PDE4D: variants seen among roughly 807,000 people sequenced by gnomAD.
PDE4D encodes the protein 3',5'-cyclic-AMP phosphodiesterase 4D.
PDE4D carries 24 observed loss-of-function variants against 87.4 expected under a neutral mutation model. The ratio of observed to expected loss-of-function variants is 0.27; its 90% CI spans 0.20 to 0.39. The LOEUF (loss-of-function observed/expected upper bound fraction) is 0.39, where lower values mean the gene tolerates loss of function less well. Among genes scored for constraint, PDE4D ranks in the 10% least tolerant of loss-of-function variants. The probability of loss-of-function intolerance (pLI) is 1.00; values close to 1 mark genes in which losing one functional copy is unlikely to be tolerated. For missense variants in PDE4D, 714 were observed against 1,041.0 expected (o/e 0.69, Z 4.32); for synonymous variants, 384 against 383.2 (o/e 1.00, Z -0.02).
intron 1 of PDE4D, among the ~76,000 whole-genome samples, chr5:60,270,221 G>T (rs138544473): frequency 6.6e-6 from 1 of 152,198 alleles, no homozygotes; most frequent in African/African-American, 2.4e-5. Flanking sequence ...TGTCATGATC[G>T]AACTGCTTCT....
chr5:59,929,967 T>C (rs536908563), intron 3 of PDE4D, among the ~76,000 whole-genome samples: 2 of 152,226 alleles, frequency 1.3e-5, no homozygotes, highest in South Asian at 4.2e-4. Flanking sequence ...GCCTAGAGCA[T>C]CTCTGACCAA....
At chr5:59,459,364 G>A (rs1249885833) in intron 1 of PDE4D, among the ~76,000 whole-genome samples, 5 of 152,076 alleles carry the variant, frequency 3.3e-5, no homozygotes, top group East Asian at 1.9e-4. Context: ...TCTCTATCTC[G>A]GTAGTTCCAA....
At chr5:60,271,656 C>T (rs919688119) in intron 1 of PDE4D, among the ~76,000 whole-genome samples, 13 of 152,278 alleles carry the variant, frequency 8.5e-5, no homozygotes, top group East Asian at 1.9e-4. Context: ...CTTCCCTGCG[C>T]TAATCTGGTT....
At chr5:59,712,277 C>G (rs1192232402) in intron 1 of PDE4D, among the ~76,000 whole-genome samples, 1 of 151,198 alleles carries the variant, frequency 6.6e-6, no homozygotes, top group African/African-American at 2.4e-5. Flanking sequence ...ATTTTTCTAA[C>G]CTTATGGTCT....
chr5:59,574,134 A>ATTT (rs373532206), intron 1 of PDE4D, among the ~76,000 whole-genome samples: 2 of 4,670 alleles, frequency 4.3e-4, no homozygotes, highest in East Asian at 7.4e-3. Context: ...ATATTTATAT[A>ATTT]TATATATATA....
At chr5:59,399,733 G>A (rs1790226148) in intron 1 of PDE4D, among the ~76,000 whole-genome samples, 1 of 120,916 alleles carries the variant, frequency 8.3e-6, no homozygotes, top group Non-Finnish European at 1.8e-5. Context: ...TTGATAAATG[G>A]GATCTAATTA....
chr5:60,207,832 T>G (rs532584850), intron 1 of PDE4D, among the ~76,000 whole-genome samples: 161 of 152,350 alleles, frequency 1.1e-3, no homozygotes, highest in African/African-American at 3.7e-3. Flanking sequence ...TATTTCAGTG[T>G]GATCGACATA....
intron 1 of PDE4D, among the ~76,000 whole-genome samples, chr5:60,317,915 G>A (rs1387291824): frequency 6.6e-6 from 1 of 152,160 alleles, no homozygotes; most frequent in Non-Finnish European, 1.5e-5. Context: ...CAAATATGTG[G>A]TCAATTTTGG....
At chr5:59,730,233 G>A (rs1390470645) in intron 1 of PDE4D, among the ~76,000 whole-genome samples, 1 of 152,034 alleles carries the variant, frequency 6.6e-6, no homozygotes, top group East Asian at 1.9e-4. Context: ...ACTGAGAAGA[G>A]AAACCAAGGG....
intron 1 of PDE4D, among the ~76,000 whole-genome samples, chr5:59,669,894 A>G (rs1268267874): frequency 6.6e-6 from 1 of 152,212 alleles, no homozygotes; most frequent in Non-Finnish European, 1.5e-5. Context: ...TTTAAAACAC[A>G]GCATTTTGGG....
At chr5:59,381,088 A>G (rs573437462) in intron 1 of PDE4D, among the ~76,000 whole-genome samples, 14 of 152,302 alleles carry the variant, frequency 9.2e-5, no homozygotes, top group Admixed American at 8.5e-4. Context: ...ATTGGATGCC[A>G]TGACATTTTA....
chr5:59,992,706 C>T (rs1338227332), intron 2 of PDE4D, among the ~76,000 whole-genome samples: 2 of 152,104 alleles, frequency 1.3e-5, no homozygotes, highest in Non-Finnish European at 2.9e-5. Context: ...AAAACTGCCT[C>T]AAGACGTAAC....
chr5:59,992,717 T>A (rs905752478), intron 2 of PDE4D, among the ~76,000 whole-genome samples: 14 of 152,078 alleles, frequency 9.2e-5, no homozygotes, highest in African/African-American at 3.4e-4. Context: ...AAGACGTAAC[T>A]TTTTTGAGAT....
chr5:59,203,624 T>TAC (rs79799414), intron 2 of PDE4D, among the ~76,000 whole-genome samples: 2,333 of 151,064 alleles, frequency 0.015, 44 homozygotes, highest in African/African-American at 0.041. Flanking sequence ...AAATGTTATA[T>TAC]ACACACACAC....
rs538124594 is a variant in PDE4D, at chr5:59,749,110, T to C, written c.455+144058A>G. On this transcript the variant is annotated intron_variant, in intron 1 of 14. Transcript: ENST00000340635. ...TGGGGAAATTTGTTATATTCCACTCTAGTCAGTCCTGTATCATCACTACTC... is the reference window on the plus strand; with the variant it reads ...TGGGGAAATTTGTTATATTCCACTCCAGTCAGTCCTGTATCATCACTACTC... Among the ~76,000 whole-genome samples the C allele has an allele frequency of 7.2e-5, 11 of 152,354 alleles. No homozygotes were observed. In the South Asian group the frequency reaches 1.9e-3, roughly 26 times the overall value.
chr5:59,571,840 T>G (rs1229385343), intron 1 of PDE4D, among the ~76,000 whole-genome samples: 1 of 152,212 alleles, frequency 6.6e-6, no homozygotes, highest in Admixed American at 6.5e-5. Flanking sequence ...ATCAAATAGT[T>G]TTAGGGGGAT....
chr5:59,555,578 C>T (rs1031461204), intron 1 of PDE4D, among the ~76,000 whole-genome samples: 5 of 152,122 alleles, frequency 3.3e-5, no homozygotes, highest in African/African-American at 1.2e-4. Flanking sequence ...CAAAAGGAAG[C>T]ACTGTTTCCT....
intron 1 of PDE4D, among the ~76,000 whole-genome samples, chr5:59,822,644 GA>G (rs1324461961): frequency 6.6e-6 from 1 of 152,148 alleles, no homozygotes; most frequent in African/African-American, 2.4e-5. Context: ...CTAATTTGAA[GA>G]CTCTTCTCCC....
chr5:59,369,255 T>C (rs144112965), intron 1 of PDE4D, among the ~76,000 whole-genome samples: 1 of 152,284 alleles, frequency 6.6e-6, no homozygotes, highest in African/African-American at 2.4e-5. Context: ...ACATATCTAG[T>C]GCTTGTGCAA....
Sources: allele counts gnomAD v4.1 joint callset (sites outside exome capture counted in the v4.1 genomes callset), GRCh38; gene constraint gnomAD v4.1.1; transcripts MANE v1.5; gene names NCBI Gene and HGNC (gene_info 2026-07-23, HGNC 2026-07-21).